PRR16: variants seen among roughly 807,000 people sequenced by gnomAD.
PRR16 encodes proline rich 16.
Under a neutral mutation model 18.2 loss-of-function variants are expected in PRR16, and 6 were observed. That is an observed-to-expected ratio of 0.33 (90% CI 0.18 to 0.65). The LOEUF (loss-of-function observed/expected upper bound fraction) is 0.65, where lower values mean the gene tolerates loss of function less well. Ranked by LOEUF, PRR16 falls within the 30% of genes least tolerant of loss-of-function variation. The pLI, the probability that PRR16 is intolerant of heterozygous loss-of-function variation, is 0.74. For missense variants in PRR16, 412 were observed against 376.6 expected, an observed-to-expected ratio of 1.09 and a Z score of -0.78; for synonymous variants, 151 against 147.8, an observed-to-expected ratio of 1.02 and a Z score of -0.16.
chr5:120,553,081 A>G (rs1386353729), intron 1 of PRR16, among the ~76,000 whole-genome samples: 1 of 151,908 alleles, frequency 6.6e-6, no homozygotes, highest in African/African-American at 2.4e-5. Context: ...AATGAAAGGT[A>G]TATAAAGGTT....
intron 1 of PRR16, among the ~76,000 whole-genome samples, chr5:120,627,390 T>C (rs1754902591): frequency 6.6e-6 from 1 of 152,138 alleles, no homozygotes; most frequent in South Asian, 2.1e-4. Context: ...TTAACAGTTA[T>C]ATTACTATCA....
At chr5:120,521,613 T>C (rs1466490002) in intron 1 of PRR16, among the ~76,000 whole-genome samples, 2 of 152,222 alleles carry the variant, frequency 1.3e-5, no homozygotes, top group Non-Finnish European at 2.9e-5. Context: ...AATTATCATA[T>C]GTATCACTTT....
chr5:120,670,855 A>G (rs951062962), intron 1 of PRR16, among the ~76,000 whole-genome samples: 6 of 152,238 alleles, frequency 3.9e-5, no homozygotes, highest in East Asian at 1.9e-4. Flanking sequence ...CCCAATTTGT[A>G]TCATTTTCTG....
At chr5:120,721,593 G>A in the PRR16 span, among the ~76,000 whole-genome samples, 1 of 152,024 alleles carries the variant, frequency 6.6e-6, no homozygotes, top group Non-Finnish European at 1.5e-5. Context: ...AGAACAGGGA[G>A]GTCAGTGTGC....
At chr5:120,508,962 A>T (rs570841582) in intron 1 of PRR16, among the ~76,000 whole-genome samples, 135 of 151,764 alleles carry the variant, frequency 8.9e-4, no homozygotes, top group Middle Eastern at 3.4e-3. Flanking sequence ...TAGTTGGGTG[A>T]GGGGGGGGAT....
At chr5:120,568,507 G>C (rs1266833972) in intron 1 of PRR16, among the ~76,000 whole-genome samples, 1 of 152,060 alleles carries the variant, frequency 6.6e-6, no homozygotes, top group Non-Finnish European at 1.5e-5. Flanking sequence ...CTATATAAAA[G>C]CAAAAATAAA....
intron 1 of PRR16, among the ~76,000 whole-genome samples, chr5:120,573,328 A>G (rs1241271096): frequency 6.6e-6 from 1 of 152,208 alleles, no homozygotes; most frequent in African/African-American, 2.4e-5. Context: ...CTCTTATTTC[A>G]AAATGGCAAG....
chr5:120,692,098 C>T (rs1379954489), downstream of PRR16, among the ~76,000 whole-genome samples: 1 of 152,200 alleles, frequency 6.6e-6, no homozygotes, highest in Non-Finnish European at 1.5e-5. Flanking sequence ...CACCATCTTT[C>T]AGCACCACCT....
At chr5:120,705,862 A>G in the PRR16 span, among the ~76,000 whole-genome samples, 1 of 152,162 alleles carries the variant, frequency 6.6e-6, no homozygotes, top group African/African-American at 2.4e-5. Flanking sequence ...TAGAAAAAAA[A>G]TTGTAACACA....
intron 1 of PRR16, among the ~76,000 whole-genome samples, chr5:120,521,942 A>G (rs919952825): frequency 2.0e-5 from 3 of 152,106 alleles, no homozygotes; most frequent in African/African-American, 7.2e-5. Context: ...TGTCCTTGCA[A>G]TAATTTGCTC....
chr5:120,731,294 T>C, the PRR16 span, among the ~76,000 whole-genome samples: 4 of 152,168 alleles, frequency 2.6e-5, no homozygotes, highest in Non-Finnish European at 5.9e-5. Context: ...ATTAGAAATC[T>C]TCATAGTTCT....
At chr5:120,648,567 C>T (rs1755672854) in intron 1 of PRR16, among the ~76,000 whole-genome samples, 1 of 152,052 alleles carries the variant, frequency 6.6e-6, no homozygotes, top group South Asian at 2.1e-4. Context: ...ATAAATATCT[C>T]TATTATTTTT....
At chr5:120,514,369 C>A (rs1750921985) in intron 1 of PRR16, among the ~76,000 whole-genome samples, 1 of 152,064 alleles carries the variant, frequency 6.6e-6, no homozygotes, top group Admixed American at 6.6e-5. Context: ...GTTGCTTGGT[C>A]CCCTTAGTAT....
intron 1 of PRR16, among the ~76,000 whole-genome samples, chr5:120,530,225 A>G (rs1458527766): frequency 5.7e-5 from 8 of 140,180 alleles, no homozygotes; most frequent in African/African-American, 2.1e-4. Context: ...TTAGCAAAGA[A>G]TTGTGCTGTT....
intron 1 of PRR16, among the ~76,000 whole-genome samples, chr5:120,591,341 T>C (rs2124168): frequency 0.22 from 32,887 of 151,918 alleles, 4,399 homozygotes; most frequent in Middle Eastern, 0.38. Flanking sequence ...TTATAACAAG[T>C]CGTCGATTTT....
At chr5:120,632,107 G>A (rs1755077221) in intron 1 of PRR16, among the ~76,000 whole-genome samples, 1 of 152,168 alleles carries the variant, frequency 6.6e-6, no homozygotes. Flanking sequence ...CAGTAGCTCT[G>A]CTGGATGGCT....
chr5:120,622,224 C>A (rs1754713991), intron 1 of PRR16, among the ~76,000 whole-genome samples: 1 of 152,050 alleles, frequency 6.6e-6, no homozygotes, highest in Non-Finnish European at 1.5e-5. Flanking sequence ...TTTTTTATTT[C>A]TGAGACCTCA....
At chr5:120,535,790 T>G (rs1027413382) in intron 1 of PRR16, among the ~76,000 whole-genome samples, 1 of 149,710 alleles carries the variant, frequency 6.7e-6, no homozygotes, top group Non-Finnish European at 1.5e-5. Context: ...CAGAGTGAGA[T>G]CCTGTCAAAA....
At chr5:120,748,952 A>G in the PRR16 span, among the ~76,000 whole-genome samples, 1 of 152,140 alleles carries the variant, frequency 6.6e-6, no homozygotes, top group African/African-American at 2.4e-5. Flanking sequence ...ATTTGATTTT[A>G]TAATTGTACA....
Sources: gnomAD v4.1 joint callset for allele counts (sites outside exome capture counted in the v4.1 genomes callset) on GRCh38, gnomAD v4.1.1 for gene constraint, MANE v1.5 for transcripts, NCBI Gene and HGNC (gene_info 2026-07-23, HGNC 2026-07-21) for gene names.